NUP43: variants seen among roughly 807,000 people sequenced by gnomAD.
The protein encoded by NUP43 is nucleoporin Nup43.
NUP43 carries 32 observed loss-of-function variants against 47.3 expected under a neutral mutation model. The ratio of observed to expected loss-of-function variants is 0.68; its 90% confidence interval spans 0.51 to 0.91. The LOEUF (loss-of-function observed/expected upper bound fraction) is 0.91. NUP43 is among the 40% of genes least tolerant of loss of function. The probability of loss-of-function intolerance (pLI) is 0.00; values close to 1 mark genes in which losing one functional copy is unlikely to be tolerated. For synonymous variants in NUP43, 147 were observed against 158.4 expected, an observed-to-expected ratio of 0.93 and a Z score of 0.54; for missense variants, 444 against 453.9, an observed-to-expected ratio of 0.98 and a Z score of 0.20.
intron 7 of NUP43, among the ~76,000 whole-genome samples, chr6:149,730,245 G>A (rs186113441): frequency 6.6e-6 from 1 of 152,224 alleles, no homozygotes; most frequent in Non-Finnish European, 1.5e-5. Flanking sequence ...CCAAACTCAG[G>A]TGATCCACCT....
chr6:149,727,143 G>A lies in NUP43; in HGVS notation c.969C>T (p.His323=). 1 of 1,614,072 alleles carries A rather than the reference G, an allele frequency of 6.2e-7. No individual in the cohort carries two copies. The highest frequency in any genetic ancestry group is 8.5e-7 in the Non-Finnish European group (1 of 1,180,014). Residue 323 remains histidine, a synonymous_variant, in exon 8 of 8, where the codon CAC becomes CAT. Transcript: ENST00000340413. ...TGAGCCAGGAGCTAATGACAGACTG[G>A]TGAACATTAGCTTGGTTACTAATGC... ...SHSISNQANV[H]QSVISSWLST...
At chr6:149,748,405 T>C (rs1786133798), upstream of NUP43, among the ~76,000 whole-genome samples, 7 of 152,348 alleles carry the variant, frequency 4.6e-5, no homozygotes, top group South Asian at 1.4e-3. Flanking sequence ...GTAATGTTGA[T>C]TTTGGATTGG....
intron 4 of NUP43, among the ~76,000 whole-genome samples, chr6:149,740,275 CAAAAAAAAAAA>C (rs766447484): frequency 1.8e-4 from 4 of 22,444 alleles, no homozygotes; most frequent in East Asian, 1.8e-3. Context: ...GACCCTGTCT[CAAAAAAAAAAA>C]AAAAAAAAAA....
upstream of NUP43, chr6:149,746,723 G>C: frequency 6.8e-7 from 1 of 1,470,686 alleles, no homozygotes; most frequent in Non-Finnish European, 9.1e-7. Flanking sequence ...TTTGGCCTTT[G>C]AGCAGTAGGA....
At chr6:149,737,122 A>G (rs144976391) in intron 5 of NUP43, among the ~76,000 whole-genome samples, 2,003 of 152,168 alleles carry the variant, frequency 0.013, 46 homozygotes, top group African/African-American at 0.047. Context: ...CATCTCTACT[A>G]AAAATACAAA....
intron 7 of NUP43, chr6:149,728,292 C>A (rs1256011222): frequency 1.0e-6 from 1 of 984,228 alleles, no homozygotes; most frequent in African/African-American, 1.7e-5. Context: ...GTTTTATTTC[C>A]AGTCTAACCA....
At chr6:149,729,560 T>C (rs748692472) in intron 7 of NUP43, 169 of 979,928 alleles carry the variant, frequency 1.7e-4, no homozygotes, top group Non-Finnish European at 2.0e-4. Context: ...AACAGTCAAG[T>C]AGCAGGGGTA....
chr6:149,737,802 T>G (rs1785442297), intron 5 of NUP43, among the ~76,000 whole-genome samples: 1 of 152,188 alleles, frequency 6.6e-6, no homozygotes, highest in Non-Finnish European at 1.5e-5. Flanking sequence ...GTGATTCTCC[T>G]GCCTCAGCCT....
intron 6 of NUP43, among the ~76,000 whole-genome samples, chr6:149,733,599 C>T (rs1015875294): frequency 1.3e-5 from 2 of 151,976 alleles, no homozygotes; most frequent in Non-Finnish European, 2.9e-5. Flanking sequence ...GTATGTATCA[C>T]CATACCTGGC....
chr6:149,742,483 C>T lies in NUP43; in HGVS notation c.409G>A (p.Val137Ile). The T allele has an allele frequency of 1.2e-6, 2 of 1,613,900 alleles. No homozygotes were observed. The highest frequency in any genetic ancestry group is 1.7e-6 in the Non-Finnish European group (2 of 1,179,736). Reference sequence around the variant, plus strand: ...ACGATTTCTGGGTTGTTGCACACAACACCTGTACATGGTGCACTGCTATAG... The same window carrying T: ...ACGATTTCTGGGTTGTTGCACACAATACCTGTACATGGTGCACTGCTATAG... Reference protein sequence around the residue: ...PSYSSAPCTGVVCNNPEIVTV... With the variant: ...PSYSSAPCTGIVCNNPEIVTV... The change falls in exon 4 of 8, where the codon GTT becomes ATT. Residue 137 changes from valine to isoleucine, a missense_variant. Transcript: ENST00000340413.
upstream of NUP43, among the ~76,000 whole-genome samples, chr6:149,747,850 T>C (rs944012642): frequency 6.6e-6 from 1 of 152,238 alleles, no homozygotes; most frequent in African/African-American, 2.4e-5. Flanking sequence ...TGCATGTAAA[T>C]GCAATCCATC....
In NUP43 at chr6:149,745,943, T is replaced by C. The variant is rs771799972; in HGVS notation, c.240A>G (p.Leu80=). 2 of 1,610,182 alleles carry C rather than the reference T, an allele frequency of 1.2e-6. No homozygotes were observed. The highest frequency in any genetic ancestry group is 2.2e-5 in the South Asian group (2 of 90,144). Residue 80 remains leucine (L), a synonymous_variant, in exon 2 of 8, where the codon TTA becomes TTG. Coordinates refer to ENST00000340413, the MANE Select transcript of NUP43 (RefSeq NM_198887.3). ...DIRHHGDVMD[L]QFFDQERIVA... is the part of the protein sequence containing the mutation. ...TTTGGATGCTACACAGATTTACCTG[T>C]AAATCCATTACATCACCATGGTGTC...
At chr6:149,734,963 A>G (rs1392436785) in intron 6 of NUP43, among the ~76,000 whole-genome samples, 2 of 152,150 alleles carry the variant, frequency 1.3e-5, no homozygotes, top group African/African-American at 4.8e-5. Context: ...ATGCAACAAT[A>G]AATTGAGGAG....
At chr6:149,735,102 G>A (rs1429649782) in intron 6 of NUP43, among the ~76,000 whole-genome samples, 4 of 152,050 alleles carry the variant, frequency 2.6e-5, no homozygotes, top group African/African-American at 9.7e-5. Context: ...TCACTATATT[G>A]TCCAGGCTGG....
At position 149,744,191 on chromosome 6, in the gene NUP43, T is replaced by C. The variant is rs192699199; in HGVS notation, c.244-476A>G. Among the ~76,000 whole-genome samples the C allele has an allele frequency of 3.2e-4, 48 of 151,604 alleles. 1 individual carries two copies. In the East Asian group the frequency reaches 5.4e-3, roughly 17 times the overall value. ...ATTGAGCCCCTGCATTCCAGCCTAGTTGACAGAGCAAGACTCAGTTTCAAA... is the reference window on the plus strand; with the variant it reads ...ATTGAGCCCCTGCATTCCAGCCTAGCTGACAGAGCAAGACTCAGTTTCAAA... On this transcript the variant is annotated intron_variant, in intron 2 of 7. Coordinates refer to ENST00000340413, the MANE Select transcript of NUP43 (RefSeq NM_198887.3).
chr6:149,731,852 A>C, intron 6 of NUP43, 117 bp from the exon 7 acceptor site: 32 of 1,037,292 alleles, frequency 3.1e-5, no homozygotes, highest in Non-Finnish European at 4.2e-5. Flanking sequence ...TTCGAGCCTC[A>C]AGTCTGTCCT....
intron 6 of NUP43, among the ~76,000 whole-genome samples, chr6:149,734,484 G>A (rs1343360054): frequency 6.6e-6 from 1 of 151,814 alleles, no homozygotes; most frequent in Non-Finnish European, 1.5e-5. Flanking sequence ...CAACCTGGGT[G>A]AGAGAGACCC....
At chr6:149,727,592 T>C (rs1431909347) in intron 7 of NUP43, 2 of 871,776 alleles carry the variant, frequency 2.3e-6, no homozygotes, top group South Asian at 5.3e-5. Context: ...AATAACAAAA[T>C]AAAATGATCA....
At chr6:149,730,212 T>G (rs1784964392) in intron 7 of NUP43, among the ~76,000 whole-genome samples, 1 of 151,600 alleles carries the variant, frequency 6.6e-6, no homozygotes, top group Non-Finnish European at 1.5e-5. Context: ...TTTCTCCATG[T>G]TGGTCAGGCT....
Sources: allele counts gnomAD v4.1 joint callset (sites outside exome capture counted in the v4.1 genomes callset), GRCh38; gene constraint gnomAD v4.1.1; transcripts MANE v1.5; gene names NCBI Gene and HGNC (gene_info 2026-07-23, HGNC 2026-07-21).